KYNU: variants seen among roughly 807,000 people sequenced by gnomAD.
KYNU encodes the protein kynureninase.
KYNU carries 54 observed loss-of-function variants against 59.2 expected under a neutral mutation model. That is an observed-to-expected ratio of 0.91 (90% CI 0.73 to 1.14). KYNU has a LOEUF of 1.14. Ranked by LOEUF, KYNU falls within the 50% of genes most tolerant of loss-of-function variation. The pLI is 0.00. For synonymous variants in KYNU, 177 were observed against 192.0 expected (o/e 0.92, Z 0.65); for missense variants, 567 against 554.4 (o/e 1.02, Z -0.23).
intron 4 of KYNU, among the ~76,000 whole-genome samples, chr2:142,938,572 T>A (rs1573813066): frequency 6.6e-6 from 1 of 152,322 alleles, no homozygotes; most frequent in East Asian, 1.9e-4. Context: ...TACAGTTTGT[T>A]TACATCTCCA....
intron 2 of KYNU, among the ~76,000 whole-genome samples, chr2:142,888,694 G>T (rs905383513): frequency 1.3e-5 from 2 of 151,742 alleles, no homozygotes; most frequent in South Asian, 4.2e-4. Context: ...GTATCCTAGA[G>T]TTGGGTCAAT....
intron 2 of KYNU, among the ~76,000 whole-genome samples, chr2:142,900,891 G>A (rs973146235): frequency 6.6e-6 from 1 of 152,100 alleles, no homozygotes; most frequent in Non-Finnish European, 1.5e-5. Context: ...TGCATCTGGG[G>A]CTCCATTTGA....
At chr2:142,939,915 G>T (rs1683536853) in intron 4 of KYNU, among the ~76,000 whole-genome samples, 1 of 152,160 alleles carries the variant, frequency 6.6e-6, no homozygotes, top group Non-Finnish European at 1.5e-5. Context: ...AGCCCTGGAT[G>T]CTTAGGTCTG....
At chr2:142,989,250 A>C in intron 10 of KYNU, 1 of 399,540 alleles carries the variant, frequency 2.5e-6, no homozygotes, top group South Asian at 5.8e-5. Context: ...TTTGCCAATT[A>C]ATAATTATAT....
rs774927973 is a variant in KYNU at position 142,918,675 on chromosome 2, A to C, written c.236A>C (p.Gln79Pro). Reference protein sequence around the residue: ...IYFLGNSLGLQPKMVKTYLEE... With the variant: ...IYFLGNSLGLPPKMVKTYLEE... ...TTCTTGGGAAATTCTCTTGGCCTTC[A>C]ACCAAAAATGGTTAAAACATATCTT... Residue 79 changes from glutamine to proline, a missense_variant, in exon 3 of 14, where the codon CAA becomes CCA. Physicochemically the swap from Gln to Pro is moderately conservative, Grantham distance 76. Coordinates refer to ENST00000264170, the MANE Select transcript of KYNU (RefSeq NM_003937.3). 2 of 1,612,234 alleles carry C rather than the reference A, an allele frequency of 1.2e-6. No homozygotes were observed. Among genetic ancestry groups the C allele is most frequent in the East Asian group, 2.2e-5 (1 of 44,770 alleles).
Position 143,050,434 on chromosome 2 carries a change from T to A in KYNU, c.*8262T>A, listed in dbSNP as rs986248202. ...TCCTGTGTTAATTTGCTGAGGATGA[T>A]AGCTTCCAGCTTCATCCACGTCCCT... On this transcript the variant is annotated 3_prime_UTR_variant, in exon 14 of 14. Transcript: ENST00000264170. 1.3e-5 allele frequency: 2 copies of A among 152,148 alleles called. No homozygotes were observed. The highest frequency in any genetic ancestry group is 6.6e-5 in the Admixed American group (1 of 15,258). 9.4% of individuals were successfully genotyped at this position (152,148 alleles called of 1,614,324 possible).
At chr2:142,938,139 C>G (rs751637359) in intron 4 of KYNU, among the ~76,000 whole-genome samples, 35 of 152,166 alleles carry the variant, frequency 2.3e-4, no homozygotes, top group Non-Finnish European at 4.6e-4. Context: ...TAGGATATAT[C>G]TGTTTCCTTG....
Position 143,046,834 on chromosome 2 carries a change from A to G in KYNU, c.*4662A>G, listed in dbSNP as rs1348098149. Reference sequence around the variant, plus strand: ...ATTTAGAATAAATCTATTGTGTTCCATAAAACCCCTGTTGGGATTTCAATT... The same window carrying G: ...ATTTAGAATAAATCTATTGTGTTCCGTAAAACCCCTGTTGGGATTTCAATT... On this transcript the variant is annotated 3_prime_UTR_variant, in exon 14 of 14. Transcript: ENST00000264170. 6.6e-6 allele frequency: 1 copy of G among 152,136 alleles called. No homozygotes were observed. Among genetic ancestry groups the G allele is most frequent in the Non-Finnish European group, 1.5e-5 (1 of 68,028 alleles). The allele number at this position is 152,136 out of a possible 1,614,324, so 9.4% of individuals were successfully genotyped here.
At chr2:142,985,302 T>C (rs4662310) in intron 9 of KYNU, 120 bp downstream of exon 9, 1 of 709,090 alleles carries the variant, frequency 1.4e-6, no homozygotes, top group South Asian at 1.5e-5. Context: ...TCTTTTATTG[T>C]ATTTTCTGCT....
chr2:143,013,298 C>CTCTCTGTGTGTGTGTG (rs72349700), intron 10 of KYNU, among the ~76,000 whole-genome samples: 6 of 149,572 alleles, frequency 4.0e-5, no homozygotes, highest in African/African-American at 1.5e-4. Context: ...GTCTCTTTCT[C>CTCTCTGTGTGTGTGTG]TGTGTGTGTG....
At chr2:142,942,316 G>T (rs1452654262) in intron 4 of KYNU, among the ~76,000 whole-genome samples, 1 of 152,058 alleles carries the variant, frequency 6.6e-6, no homozygotes, top group African/African-American at 2.4e-5. Context: ...AGAAAAATTT[G>T]ATCAAGTTTG....
At chr2:142,888,570 G>A (rs1179960158) in intron 2 of KYNU, among the ~76,000 whole-genome samples, 1 of 152,028 alleles carries the variant, frequency 6.6e-6, no homozygotes, top group African/African-American at 2.4e-5. Context: ...AAAGCATGAG[G>A]TTCACTAGAG....
chr2:143,003,309 A>G (rs1333764482), intron 10 of KYNU, among the ~76,000 whole-genome samples: 1 of 152,200 alleles, frequency 6.6e-6, no homozygotes, highest in Non-Finnish European at 1.5e-5. Context: ...CACACCTATA[A>G]TCCCAGCACT....
chr2:142,937,052 G>A (rs1294650991), intron 4 of KYNU, among the ~76,000 whole-genome samples: 2 of 152,168 alleles, frequency 1.3e-5, no homozygotes, highest in Non-Finnish European at 2.9e-5. Context: ...ATAGTCTCCT[G>A]TAAACAGGAA....
At chr2:142,894,958 T>C (rs1222579527) in intron 2 of KYNU, among the ~76,000 whole-genome samples, 1 of 152,120 alleles carries the variant, frequency 6.6e-6, no homozygotes, top group Non-Finnish European at 1.5e-5. Context: ...CTTTTTCTGT[T>C]CATACTTCTA....
At chr2:142,985,240 G>A in intron 9 of KYNU, 58 bp downstream of exon 9, 1 of 1,044,870 alleles carries the variant, frequency 9.6e-7, no homozygotes, top group Middle Eastern at 2.0e-4. Flanking sequence ...TAATCTGAAG[G>A]AGAAACTGGG....
chr2:143,026,776 A>G (rs1235202466), intron 10 of KYNU, among the ~76,000 whole-genome samples: 1 of 152,210 alleles, frequency 6.6e-6, no homozygotes, highest in African/African-American at 2.4e-5. Context: ...ATTAGTGTTA[A>G]TAGCTCAGTG....
At chr2:142,891,975 C>T (rs1363561981) in intron 2 of KYNU, among the ~76,000 whole-genome samples, 1 of 151,598 alleles carries the variant, frequency 6.6e-6, no homozygotes, top group Non-Finnish European at 1.5e-5. Flanking sequence ...TGTAGTGGTG[C>T]AATTTTGACT....
At chr2:142,990,872 G>T (rs1685379285) in intron 10 of KYNU, among the ~76,000 whole-genome samples, 3 of 151,860 alleles carry the variant, frequency 2.0e-5, no homozygotes, top group Non-Finnish European at 4.4e-5. Flanking sequence ...CTTATTAAGG[G>T]CTTGAATTAT....
Sources: allele counts gnomAD v4.1 joint callset (sites outside exome capture counted in the v4.1 genomes callset), GRCh38; gene constraint gnomAD v4.1.1; transcripts MANE v1.5; gene names NCBI Gene and HGNC (gene_info 2026-07-23, HGNC 2026-07-21).